Variants in OXNAD1 observed in about 807,000 individuals in gnomAD.
OXNAD1 encodes the protein oxidoreductase NAD binding domain containing 1, also known as oxidoreductase NAD-binding domain-containing protein 1.
Under a neutral mutation model 32.9 loss-of-function variants are expected in OXNAD1, and 34 were observed. That is an observed-to-expected ratio of 1.03 (90% confidence interval 0.79 to 1.38). The LOEUF (loss-of-function observed/expected upper bound fraction) is 1.38. Ranked by LOEUF, OXNAD1 falls within the 40% of genes most tolerant of loss-of-function variation. The pLI is 0.00. For missense variants in OXNAD1, 407 were observed against 379.4 expected, an observed-to-expected ratio of 1.07 and a Z score of -0.60; for synonymous variants, 134 against 135.2, an observed-to-expected ratio of 0.99 and a Z score of 0.06.
rs1559830284 is a variant in OXNAD1 at position 16,336,674 on chromosome 3, T to TA, written c.*31-438_*31-437insA. ...GTTCAAAGAGAATAATTTTTTTTTT[T>TA]TAAAAAAGCTTAGTTCTTAGATGCA... On this transcript the variant is annotated intron_variant, in intron 9 of 9. Transcript: ENST00000435829. This position sits in a 1 kb window ranked among gnomAD's most constrained non-coding sequence, Gnocchi z 6.0. Among the ~76,000 whole-genome samples, 21 of 152,156 alleles carry TA rather than the reference T, an allele frequency of 1.4e-4. No homozygotes were observed. The highest frequency in any genetic ancestry group is 3.1e-4 in the African/African-American group (13 of 41,508).
chr3:16,281,061 G>C (rs1253789481), intron 4 of OXNAD1, among the ~76,000 whole-genome samples: 1 of 152,142 alleles, frequency 6.6e-6, no homozygotes, highest in Non-Finnish European at 1.5e-5. Context: ...CAAAAGAATA[G>C]CATATAACAG....
In OXNAD1 at chr3:16,342,632, A is replaced by C. The variant is rs2071390774; in HGVS notation, c.*31-6544A>C. On this transcript the variant is annotated intron_variant, in intron 9 of 9. Transcript: ENST00000606098. This position sits in a 1 kb window ranked among gnomAD's most constrained non-coding sequence, Gnocchi z 4.0. The stretch of plus-strand genomic sequence containing the variant: ...CACTTTTATAAAAATAAAAAAAGTT[A>C]TAAGAATGAAAGCAGAGGCCTCTTG... 6.6e-6 allele frequency among the ~76,000 whole-genome samples: 1 copy of C among 152,356 alleles called. No homozygotes were observed. The highest frequency in any genetic ancestry group is 1.9e-4 in the East Asian group (1 of 5,190).
chr3:16,317,229 G>T lies in OXNAD1; in HGVS notation c.*30+13637G>T. On this transcript the variant is annotated intron_variant, in intron 9 of 9. Coordinates refer to the OXNAD1 transcript ENST00000435829. The surrounding 1 kb of genome is among the most constrained non-coding windows in gnomAD (Gnocchi z 4.3). ...ATTTCTTCTCTGGAGAATCGCCACT[G>T]AAACTAGAAATCAGAAAGGATGGGG... 6.2e-7 allele frequency: 1 copy of T among 1,611,778 alleles called. No homozygotes were observed. The highest frequency in any genetic ancestry group is 1.1e-5 in the South Asian group (1 of 91,006).
intron 4 of OXNAD1, among the ~76,000 whole-genome samples, chr3:16,282,315 T>A (rs2125026581): frequency 6.6e-6 from 1 of 152,020 alleles, no homozygotes; most frequent in African/African-American, 2.4e-5. Context: ...CCCATACTTT[T>A]AAACATGAAT....
At chr3:16,310,256 G>GC (rs1404829659), downstream of OXNAD1, among the ~76,000 whole-genome samples, 3 of 152,196 alleles carry the variant, frequency 2.0e-5, no homozygotes, top group African/African-American at 4.8e-5. Context: ...CCTAGAAACT[G>GC]GTAAGTTTGC....
chr3:16,271,138 G>T lies in OXNAD1; in HGVS notation c.119+67G>T. ...AAAGAGACCCGACCTGCTGATGGTT[G>T]TGGGAGGCATATCAAACTCCCGGAA... On this transcript the variant is annotated intron_variant, in intron 3 of 8. Coordinates refer to ENST00000285083, the MANE Select transcript of OXNAD1 (RefSeq NM_138381.5). This position sits in a 1 kb window ranked among gnomAD's most constrained non-coding sequence, Gnocchi z 4.6. 6.4e-7 allele frequency: 1 copy of T among 1,559,652 alleles called. No homozygotes were observed. The highest frequency in any genetic ancestry group is 8.7e-7 in the Non-Finnish European group (1 of 1,144,040).
At chr3:16,347,589 C>T (rs912455592) in intron 9 of OXNAD1, 21 of 152,196 alleles carry the variant, frequency 1.4e-4, no homozygotes, top group African/African-American at 4.6e-4. Flanking sequence ...CCCTCTGCCT[C>T]TCTGTTACAC....
Position 16,271,716 on chromosome 3 carries a change from A to G in OXNAD1, c.177A>G (p.Arg59=). 1 of 1,607,304 alleles carries G rather than the reference A, an allele frequency of 6.2e-7. No homozygotes were observed. Among genetic ancestry groups the G allele is most frequent in the Non-Finnish European group, 8.5e-7 (1 of 1,178,280 alleles). The change falls in exon 4 of 9, where the codon CGA becomes CGG. Residue 59 remains arginine, a synonymous_variant. Transcript: ENST00000285083. This position sits in a 1 kb window ranked among gnomAD's most constrained non-coding sequence, Gnocchi z 4.6. ...TGGAGAGAACTGCAAGTGTCCTTCG[A>G]CGGGAGGTTTGTATCTTTGGGGTAT... ...DHMERTASVL[R]REIVSAAKVC...
downstream of OXNAD1, among the ~76,000 whole-genome samples, chr3:16,339,148 C>T (rs2071130917): frequency 6.6e-6 from 1 of 152,202 alleles, no homozygotes; most frequent in Non-Finnish European, 1.5e-5. Context: ...ATTTCTCTCT[C>T]CCTAACTTTC....
At chr3:16,332,451 A>C (rs372844522) in intron 9 of OXNAD1, among the ~76,000 whole-genome samples, 1 of 148,540 alleles carries the variant, frequency 6.7e-6, no homozygotes, top group Non-Finnish European at 1.5e-5. Flanking sequence ...TTTTTGCTTC[A>C]TGGATACATT....
At chr3:16,307,965 A>G (rs913024976), downstream of OXNAD1, among the ~76,000 whole-genome samples, 4 of 152,146 alleles carry the variant, frequency 2.6e-5, no homozygotes, top group Admixed American at 2.0e-4. Context: ...AAAACCATGG[A>G]AGAGTAATTC....
chr3:16,276,118 G>A (rs2065298944), intron 4 of OXNAD1: 1 of 176,686 alleles, frequency 5.7e-6, no homozygotes, highest in African/African-American at 2.4e-5. Context: ...GGGCAACAGA[G>A]TAAGACTCTG....
chr3:16,318,563 T>G (rs2068690783), intron 9 of OXNAD1, among the ~76,000 whole-genome samples: 2 of 152,188 alleles, frequency 1.3e-5, no homozygotes, highest in African/African-American at 4.8e-5. Flanking sequence ...ATCTGTTTCC[T>G]CAGATAAAAC....
chr3:16,311,130 ACTCCCTCC>A (rs10569622), intron 9 of OXNAD1, among the ~76,000 whole-genome samples: 19 of 150,078 alleles, frequency 1.3e-4, no homozygotes, highest in African/African-American at 4.7e-4. Flanking sequence ...TTGCCACACA[ACTCCCTCC>A]CTCCCTCCCA....
In OXNAD1 at chr3:16,265,640, T is replaced by C. The variant is rs9851802; in HGVS notation, c.-159+135T>C. On this transcript the variant is annotated intron_variant, in intron 1 of 8. Coordinates refer to ENST00000285083, the MANE Select transcript of OXNAD1 (RefSeq NM_138381.5). This position sits in a 1 kb window ranked among gnomAD's most constrained non-coding sequence, Gnocchi z 4.8. The stretch of plus-strand genomic sequence containing the variant: ...AGGCTTATAACATTATTAACGACGA[T>C]GATTTTTAGTAATAGTAATAACATC... 0.026 allele frequency: 4,030 copies of C among 154,096 alleles called. 180 individuals are homozygous for C. The highest frequency in any genetic ancestry group is 0.091 in the African/African-American group (3,770 of 41,578). 9.5% of individuals were successfully genotyped at this position (154,096 alleles called of 1,614,324 possible).
Position 16,290,452 on chromosome 3 carries a change from C to G in OXNAD1, c.290+4004C>G, listed in dbSNP as rs144337774. Among the ~76,000 whole-genome samples, 6 of 152,218 alleles carry G rather than the reference C, an allele frequency of 3.9e-5. No individual in the cohort carries two copies. Among genetic ancestry groups the G allele is most frequent in the Non-Finnish European group, 7.4e-5 (5 of 68,012 alleles). On this transcript the variant is annotated intron_variant, in intron 5 of 8. Transcript: ENST00000285083. This position sits in a 1 kb window ranked among gnomAD's most constrained non-coding sequence, Gnocchi z 4.2. ...GTTACTAGAGAAGAGGGTTGGTTCC[C>G]TTTCATTCAACTGAGAGAATGGCCT... is the stretch of plus-strand genomic sequence containing the variant.
chr3:16,276,562 T>C (rs184348027), intron 4 of OXNAD1: 1 of 165,174 alleles, frequency 6.1e-6, no homozygotes, highest in African/African-American at 2.4e-5. Context: ...CTTTGTCATT[T>C]AGAGGAAATG....
chr3:16,283,390 G>A (rs185712744), intron 4 of OXNAD1, among the ~76,000 whole-genome samples: 3 of 152,126 alleles, frequency 2.0e-5, no homozygotes, highest in African/African-American at 7.2e-5. Context: ...ATTTGAATCC[G>A]CAATTCCTAG....
rs376747115 is a variant in OXNAD1 at position 16,317,176 on chromosome 3, T to G, written c.*30+13584T>G. 5.0e-6 allele frequency: 8 copies of G among 1,613,628 alleles called. No homozygotes were observed. The highest frequency in any genetic ancestry group is 6.8e-6 in the Non-Finnish European group (8 of 1,179,988). ...GTTTGTCTCTGGCACTGAGTTTACC[T>G]TTTGATTTCCTCATCTGCCTGTTGT... On this transcript the variant is annotated intron_variant, in intron 9 of 9. Transcript: ENST00000435829. The surrounding 1 kb of genome is among the most constrained non-coding windows in gnomAD (Gnocchi z 4.3).
Sources: gnomAD v4.1 joint callset for allele counts (sites outside exome capture counted in the v4.1 genomes callset) on GRCh38, gnomAD v4.1.1 for gene constraint, Gnocchi (gnomAD v3.1) non-coding constraint, MANE v1.5 for transcripts, NCBI Gene and HGNC (gene_info 2026-07-23, HGNC 2026-07-21) for gene names.